Variants in DNER observed in about 807,000 individuals in gnomAD.
DNER encodes delta/notch like EGF repeat containing, also known as delta and Notch-like epidermal growth factor-related receptor.
Under a neutral mutation model 78.2 loss-of-function variants are expected in DNER, and 33 were observed. The observed-to-expected ratio is 0.42, with a 90% CI of 0.32 to 0.56. The LOEUF is 0.56. DNER is among the 20% of genes least tolerant of loss of function. The pLI, the probability that DNER is intolerant of heterozygous loss-of-function variation, is 0.11. For missense variants in DNER, 918 were observed against 975.3 expected (o/e 0.94, Z 0.78); for synonymous variants, 417 against 384.8 (o/e 1.08, Z -0.98).
chr2:229,453,186 C>A (rs1694497123), intron 7 of DNER, among the ~76,000 whole-genome samples: 1 of 152,116 alleles, frequency 6.6e-6, no homozygotes, highest in African/African-American at 2.4e-5. Context: ...AGCTTAACTG[C>A]AAAAATCTAT....
intron 4 of DNER, among the ~76,000 whole-genome samples, chr2:229,578,115 G>A (rs1375509972): frequency 6.6e-6 from 1 of 152,320 alleles, no homozygotes; most frequent in East Asian, 1.9e-4. Flanking sequence ...TGAATTTCCA[G>A]TTTGGTTCTG....
intron 1 of DNER, among the ~76,000 whole-genome samples, chr2:229,702,840 A>G (rs895817254): frequency 2.0e-5 from 3 of 149,356 alleles, no homozygotes; most frequent in South Asian, 4.2e-4. Context: ...CGGTGTGAAC[A>G]CGGGAGGTAG....
chr2:229,453,529 C>G (rs780421379), intron 7 of DNER, among the ~76,000 whole-genome samples: 3 of 152,068 alleles, frequency 2.0e-5, no homozygotes, highest in Non-Finnish European at 4.4e-5. Context: ...CCACTTGGGG[C>G]AAATGAACAG....
At chr2:229,663,461 G>A (rs769779255) in intron 1 of DNER, among the ~76,000 whole-genome samples, 4 of 152,142 alleles carry the variant, frequency 2.6e-5, no homozygotes, top group Admixed American at 6.5e-5. Flanking sequence ...TTTCCGTGTC[G>A]CATTTCTGGG....
chr2:229,593,311 T>A (rs1412043082), intron 1 of DNER, among the ~76,000 whole-genome samples: 1 of 152,186 alleles, frequency 6.6e-6, no homozygotes, highest in Non-Finnish European at 1.5e-5. Context: ...CCATGGACTA[T>A]ACCAAGTTGA....
intron 8 of DNER, among the ~76,000 whole-genome samples, chr2:229,437,651 A>T (rs1297302207): frequency 6.6e-6 from 1 of 152,218 alleles, no homozygotes; most frequent in East Asian, 1.9e-4. Context: ...CATGATTGAC[A>T]TTGACGGCAA....
At chr2:229,386,607 A>C (rs926689955) in intron 11 of DNER, among the ~76,000 whole-genome samples, 2 of 151,886 alleles carry the variant, frequency 1.3e-5, no homozygotes, top group African/African-American at 4.9e-5. Context: ...TCTACAAAGA[A>C]CTTAAAAAAA....
intron 4 of DNER, among the ~76,000 whole-genome samples, chr2:229,562,462 A>G (rs1696978059): frequency 6.6e-6 from 1 of 152,210 alleles, no homozygotes; most frequent in African/African-American, 2.4e-5. Flanking sequence ...AAACATGTAT[A>G]TTCTATAATT....
intron 1 of DNER, among the ~76,000 whole-genome samples, chr2:229,677,900 G>A (rs968217354): frequency 1.3e-5 from 2 of 152,212 alleles, no homozygotes; most frequent in African/African-American, 4.8e-5. Context: ...TATATAGGCT[G>A]GAGGACTTAC....
At chr2:229,649,544 C>T (rs1293334033) in intron 1 of DNER, among the ~76,000 whole-genome samples, 8 of 152,176 alleles carry the variant, frequency 5.3e-5, no homozygotes, top group East Asian at 1.9e-4. Flanking sequence ...TGTCACTGAA[C>T]GCCAAGATGC....
intron 4 of DNER, among the ~76,000 whole-genome samples, chr2:229,555,500 C>T (rs761785594): frequency 4.6e-5 from 7 of 152,146 alleles, no homozygotes; most frequent in Non-Finnish European, 1.0e-4. Flanking sequence ...ATATTCTAGC[C>T]CACTCTGAGC....
intron 2 of DNER, among the ~76,000 whole-genome samples, chr2:229,590,692 G>A (rs1697587068): frequency 6.6e-6 from 1 of 152,200 alleles, no homozygotes; most frequent in Non-Finnish European, 1.5e-5. Flanking sequence ...GAAGACGCGG[G>A]CTGTGAAGAA....
At chr2:229,575,155 A>AT (rs1427202241) in intron 4 of DNER, among the ~76,000 whole-genome samples, 4 of 152,164 alleles carry the variant, frequency 2.6e-5, no homozygotes, top group African/African-American at 7.2e-5. Context: ...CACTAGCTTT[A>AT]TTTTTTTTAA....
At chr2:229,497,045 G>A (rs1207070358) in intron 6 of DNER, among the ~76,000 whole-genome samples, 1 of 152,096 alleles carries the variant, frequency 6.6e-6, no homozygotes, top group Non-Finnish European at 1.5e-5. Flanking sequence ...CAAATCATAT[G>A]TTAGGCCAGA....
intron 4 of DNER, among the ~76,000 whole-genome samples, chr2:229,564,394 CCATCAT>C (rs1317214366): frequency 7.3e-6 from 1 of 137,188 alleles, no homozygotes. Context: ...CACCCCATCA[CCATCAT>C]CATCAACATC....
intron 11 of DNER, among the ~76,000 whole-genome samples, chr2:229,375,004 G>A (rs116432085): frequency 0.019 from 2,964 of 152,240 alleles, 93 homozygotes; most frequent in African/African-American, 0.067. Flanking sequence ...GAGAGGCAAT[G>A]GAATGTTCCT....
chr2:229,582,428 T>G (rs753514142), intron 4 of DNER, among the ~76,000 whole-genome samples: 29 of 151,934 alleles, frequency 1.9e-4, no homozygotes, highest in Non-Finnish European at 3.7e-4. Context: ...TGGCTACCTT[T>G]GAAGAGAATA....
chr2:229,602,199 C>T (rs1437368170), intron 1 of DNER, among the ~76,000 whole-genome samples: 2 of 152,102 alleles, frequency 1.3e-5, no homozygotes, highest in African/African-American at 4.8e-5. Flanking sequence ...GAAAAGAAGG[C>T]TGCAGGCAAA....
intron 6 of DNER, among the ~76,000 whole-genome samples, chr2:229,504,947 A>G (rs140562611): frequency 0.012 from 1,882 of 152,306 alleles, 27 homozygotes; most frequent in Middle Eastern, 0.051. Context: ...AAGGGATAGC[A>G]GATGCTACTA....
Sources: allele counts gnomAD v4.1 joint callset (sites outside exome capture counted in the v4.1 genomes callset), GRCh38; gene constraint gnomAD v4.1.1; transcripts MANE v1.5; gene names NCBI Gene and HGNC (gene_info 2026-07-23, HGNC 2026-07-21).